Variants in CDK5RAP2 observed in about 807,000 individuals in gnomAD.
The protein encoded by CDK5RAP2 is CDK5 regulatory subunit associated protein 2, also known as CDK5 regulatory subunit-associated protein 2.
Under a neutral mutation model 232.9 loss-of-function variants are expected in CDK5RAP2, and 147 were observed. That is an observed-to-expected ratio of 0.63 (90% CI 0.55 to 0.72). CDK5RAP2 has a LOEUF of 0.72. Ranked by LOEUF, CDK5RAP2 falls within the 30% of genes least tolerant of loss-of-function variation. The pLI, the probability that CDK5RAP2 is intolerant of heterozygous loss-of-function variation, is 0.00. For missense variants in CDK5RAP2, 2,195 were observed against 2,231.5 expected (o/e 0.98, Z 0.33); for synonymous variants, 833 against 833.7 (o/e 1.00, Z 0.01).
chr9:120,457,604 G>A (rs756633420), intron 20 of CDK5RAP2, among the ~76,000 whole-genome samples: 1 of 152,158 alleles, frequency 6.6e-6, no homozygotes, highest in Non-Finnish European at 1.5e-5. Flanking sequence ...CTTCAATCCC[G>A]TTTTTTAGCT....
intron 4 of CDK5RAP2, among the ~76,000 whole-genome samples, chr9:120,548,426 C>A (rs1473884966): frequency 6.6e-6 from 1 of 152,198 alleles, no homozygotes. Context: ...CCCAATATCT[C>A]AAGTTATAAA....
At chr9:120,412,397 A>G (rs1179895762) in intron 28 of CDK5RAP2, among the ~76,000 whole-genome samples, 1 of 152,242 alleles carries the variant, frequency 6.6e-6, no homozygotes, top group Non-Finnish European at 1.5e-5. Context: ...GCCACCCTGC[A>G]GTGAGGACAT....
At chr9:120,426,436 T>C (rs1381886179) in intron 25 of CDK5RAP2, among the ~76,000 whole-genome samples, 1 of 152,260 alleles carries the variant, frequency 6.6e-6, no homozygotes, top group Non-Finnish European at 1.5e-5. Context: ...GGCTTCCAGG[T>C]CATTGGTGGA....
In CDK5RAP2 at chr9:120,422,704, TTCA is replaced by T; in HGVS notation, c.3990_3992del (p.Asn1330_Glu1331delinsLys). 6.2e-7 allele frequency: 1 copy of T among 1,612,694 alleles called. No homozygotes were observed. Among genetic ancestry groups the T allele is most frequent in the Non-Finnish European group, 8.5e-7 (1 of 1,178,734 alleles). On this transcript the variant is annotated inframe_deletion, in exon 26 of 38. Transcript: ENST00000349780. ...TGTTACACACTCACCTCTCCATCAGTTCATTCTGGGTGTTCATTTCCACTCCAA... is the reference window on the plus strand; with the variant it reads ...TGTTACACACTCACCTCTCCATCAGTTTCTGGGTGTTCATTTCCACTCCAA...
intron 11 of CDK5RAP2, among the ~76,000 whole-genome samples, chr9:120,519,450 C>A (rs6478476): frequency 0.97 from 147,181 of 152,178 alleles, 71,345 homozygotes; most frequent in East Asian, 1. Flanking sequence ...AAAACCAAAA[C>A]AAAACAACCT....
At chr9:120,529,002 C>T in intron 8 of CDK5RAP2, 1 of 608,134 alleles carries the variant, frequency 1.6e-6, no homozygotes, top group South Asian at 1.9e-5. Context: ...CAACAACCTA[C>T]CCTGGTTGAT....
At chr9:120,397,255 C>T (rs1443835239) in intron 35 of CDK5RAP2, among the ~76,000 whole-genome samples, 1 of 152,152 alleles carries the variant, frequency 6.6e-6, no homozygotes, top group African/African-American at 2.4e-5. Flanking sequence ...CCCAAGTGCC[C>T]ATCCAGCTTC....
At position 120,536,473 on chromosome 9, in the gene CDK5RAP2, C is replaced by T. The variant is rs756635555; in HGVS notation, c.561G>A (p.Thr187=). Residue 187 remains threonine, a synonymous_variant, in exon 7 of 38, where the codon ACG becomes ACA. Coordinates refer to ENST00000349780, the MANE Select transcript of CDK5RAP2 (RefSeq NM_018249.6). The stretch of plus-strand genomic sequence containing the variant: ...CCAAACGCAACCGAAGAGCCTTCTC[C>T]GTCTCTGTCCCTGCAAAGGCCTTTT... ...ELEKAFAGTE[T]EKALRLRLES... 7.4e-6 allele frequency: 12 copies of T among 1,614,002 alleles called. No individual in the cohort carries two copies. Among genetic ancestry groups the T allele is most frequent in the Admixed American group, 1.7e-5 (1 of 60,002 alleles).
intron 6 of CDK5RAP2, among the ~76,000 whole-genome samples, chr9:120,537,757 A>G (rs2041457489): frequency 1.3e-5 from 2 of 152,202 alleles, no homozygotes; most frequent in Non-Finnish European, 2.9e-5. Flanking sequence ...AGGTTTACTG[A>G]AAAGATTACC....
intron 14 of CDK5RAP2, among the ~76,000 whole-genome samples, chr9:120,481,418 C>A (rs970397496): frequency 6.6e-6 from 1 of 151,722 alleles, no homozygotes; most frequent in African/African-American, 2.4e-5. Context: ...ACATGAGAGG[C>A]AGTGATGATT....
chr9:120,496,348 G>A (rs1194728383), intron 12 of CDK5RAP2, among the ~76,000 whole-genome samples: 24 of 129,434 alleles, frequency 1.9e-4, no homozygotes, highest in African/African-American at 5.2e-4. Context: ...TCAGCCCCCC[G>A]CCCGGCCAGC....
chr9:120,522,858 GA>G (rs770736915), intron 11 of CDK5RAP2, among the ~76,000 whole-genome samples: 2 of 152,144 alleles, frequency 1.3e-5, no homozygotes, highest in Non-Finnish European at 2.9e-5. Flanking sequence ...AATACATGGG[GA>G]AAAAATGCAT....
intron 27 of CDK5RAP2, among the ~76,000 whole-genome samples, chr9:120,416,752 T>C (rs1402130571): frequency 6.6e-6 from 1 of 152,226 alleles, no homozygotes. Flanking sequence ...GCAAAACTAA[T>C]GTCTTTAATT....
chr9:120,456,058 T>C (rs2036755417), intron 20 of CDK5RAP2, among the ~76,000 whole-genome samples: 1 of 152,142 alleles, frequency 6.6e-6, no homozygotes, highest in Non-Finnish European at 1.5e-5. Context: ...TAAATAAGTA[T>C]GTTTAAATCA....
At position 120,491,493 on chromosome 9, in the gene CDK5RAP2, G is replaced by T; in HGVS notation, c.1312-16C>A. 2 of 1,590,678 alleles carry T rather than the reference G, an allele frequency of 1.3e-6. No homozygotes were observed. The highest frequency in any genetic ancestry group is 2.2e-5 in the South Asian group (2 of 90,320). On this transcript the variant is annotated splice_polypyrimidine_tract_variant and intron_variant, in intron 12 of 37. Transcript: ENST00000349780. ...TTCTAAGATCCTACCAGAAGAAAAT[G>T]AAAAAATGGAATTTACTTGACAAAA...
chr9:120,504,196 T>G (rs1006044427), intron 12 of CDK5RAP2, among the ~76,000 whole-genome samples: 18 of 152,198 alleles, frequency 1.2e-4, no homozygotes, highest in Admixed American at 6.5e-4. Context: ...AGGGAGGGTG[T>G]GTGCAGCTTA....
chr9:120,475,359 C>T (rs1438930763), intron 15 of CDK5RAP2, among the ~76,000 whole-genome samples: 3 of 152,140 alleles, frequency 2.0e-5, no homozygotes, highest in Non-Finnish European at 4.4e-5. Flanking sequence ...AGCCCTGACC[C>T]GCCTCAGTCC....
chr9:120,536,329 CA>C, intron 7 of CDK5RAP2, 42 bp downstream of exon 7: 8 of 1,604,736 alleles, frequency 5.0e-6, no homozygotes, highest in Non-Finnish European at 6.8e-6. Context: ...CCCACGCTGC[CA>C]GATAATGTGA....
chr9:120,411,595 T>G, intron 28 of CDK5RAP2, 121 bp from the exon 29 acceptor site: 1 of 681,090 alleles, frequency 1.5e-6, no homozygotes, highest in South Asian at 1.6e-5. Flanking sequence ...TCCCTCCTGT[T>G]AACTATGTTA....
Sources: gnomAD v4.1 joint callset for allele counts (sites outside exome capture counted in the v4.1 genomes callset) on GRCh38, gnomAD v4.1.1 for gene constraint, MANE v1.5 for transcripts, NCBI Gene and HGNC (gene_info 2026-07-23, HGNC 2026-07-21) for gene names.